The following HARS1 variants were observed in gnomAD, a reference collection of about 807,000 sequenced individuals.
The protein encoded by HARS1 is histidyl-tRNA synthetase 1.
HARS1 carries 45 observed loss-of-function variants against 63.6 expected under a neutral mutation model. The ratio of observed to expected loss-of-function variants is 0.71; its 90% CI spans 0.56 to 0.91. The LOEUF (loss-of-function observed/expected upper bound fraction) is 0.91, where lower values mean the gene tolerates loss of function less well. HARS1 is among the 40% of genes least tolerant of loss of function. The pLI, the probability that HARS1 is intolerant of heterozygous loss-of-function variation, is 0.00. For missense variants in HARS1, 508 were observed against 643.2 expected (o/e 0.79, Z 2.27); for synonymous variants, 205 against 247.1 (o/e 0.83, Z 1.60).
chr5:140,690,776 G>A (rs1003515075), intron 2 of HARS1, 79 bp downstream of exon 2: 2 of 833,730 alleles, frequency 2.4e-6, no homozygotes, highest in East Asian at 2.4e-5. Flanking sequence ...TCAATGACCT[G>A]GTTTAGGGAG....
chr5:140,676,791 C>A lies in HARS1; in HGVS notation c.1057G>T (p.Gly353Cys), dbSNP rs1186354481. ...CCTCCAGCAGCCACACTGCCCACAC[C>A]CAGGGGCTCTTCCCCTGCCTGGGCT... is the stretch of plus-strand genomic sequence containing the variant. ...TPAQAGEEPL[G>C]VGSVAAGGRY... Residue 353 changes from glycine (G) to cysteine (C), a missense_variant, in exon 10 of 13, where the codon GGT becomes TGT. Physicochemically the swap from Gly to Cys is radical, Grantham distance 159. Coordinates refer to ENST00000504156, the MANE Select transcript of HARS1 (RefSeq NM_002109.6). This position sits in a 1 kb window ranked among gnomAD's most constrained non-coding sequence, Gnocchi z 4.1. 6.2e-7 allele frequency: 1 copy of A among 1,614,280 alleles called. No homozygotes were observed. Among genetic ancestry groups the A allele is most frequent in the Non-Finnish European group, 8.5e-7 (1 of 1,180,058 alleles).
rs1758442472 is a variant in HARS1, at chr5:140,677,366, C to T, written c.784G>A (p.Glu262Lys). Residue 262 changes from glutamate (E) to lysine (K), a missense_variant, in exon 8 of 13, where the codon GAG becomes AAG. Physicochemically the swap from Glu to Lys is moderately conservative, Grantham distance 56 (BLOSUM62 1). Transcript: ENST00000504156. ...EMVGEKGLAP[E>K]VADRIGDYVQ... is the part of the protein sequence containing the mutation. ...TAGTCCCCAATGCGGTCAGCCACCT[C>T]AGGTGCAAGGCCCTTCTCTCCCACC... The T allele has an allele frequency of 2.5e-6, 4 of 1,613,998 alleles. No individual in the cohort carries two copies. Among genetic ancestry groups the T allele is most frequent in the African/African-American group, 1.3e-5 (1 of 75,022 alleles).
Position 140,679,938 on chromosome 5 carries a change from G to C in HARS1, c.301-55C>G. The stretch of plus-strand genomic sequence containing the variant: ...AATAATAAACATAACAATTTAAAAG[G>C]AAGTTTTGAAAACAAACATGACTGA... On this transcript the variant is annotated intron_variant, in intron 3 of 12. Coordinates refer to ENST00000504156, the MANE Select transcript of HARS1 (RefSeq NM_002109.6). This position sits in a 1 kb window ranked among gnomAD's most constrained non-coding sequence, Gnocchi z 4.3. 9.8e-7 allele frequency: 1 copy of C among 1,018,188 alleles called. No individual in the cohort carries two copies. The highest frequency in any genetic ancestry group is 1.5e-6 in the Non-Finnish European group (1 of 655,340). The allele number at this position is 1,018,188 out of a possible 1,614,324, so 63.1% of individuals were successfully genotyped here. A position where few individuals can be genotyped will look rare whatever the true frequency, so the allele number is the denominator to read the frequency against.
chr5:140,683,075 T>G, intron 3 of HARS1, 25 bp downstream of exon 3: 1 of 1,608,960 alleles, frequency 6.2e-7, no homozygotes, highest in Non-Finnish European at 8.5e-7. Flanking sequence ...ATCTACCATG[T>G]AGTTTCTTCT....
chr5:140,677,479 G>A (rs1758451174), intron 7 of HARS1, 59 bp from the exon 8 acceptor site: 1 of 1,340,696 alleles, frequency 7.5e-7, no homozygotes, highest in Non-Finnish European at 1.1e-6. Flanking sequence ...CAGAGCAAGT[G>A]TGTACTGTCC....
intron 3 of HARS1, among the ~76,000 whole-genome samples, chr5:140,680,203 G>C (rs1758639311): frequency 6.6e-6 from 1 of 151,358 alleles, no homozygotes. Flanking sequence ...CTGGAGTGCA[G>C]TGGCGTGATC....
At chr5:140,678,355 T>G (rs932868316) in intron 5 of HARS1, 9 of 324,274 alleles carry the variant, frequency 2.8e-5, no homozygotes, top group Non-Finnish European at 5.2e-5. Flanking sequence ...TCAAAGCTAA[T>G]TTCCTTATTC....
intron 5 of HARS1, 84 bp from the exon 6 acceptor site, chr5:140,678,099 C>G (rs1758501409): frequency 1.4e-6 from 1 of 738,340 alleles, no homozygotes; most frequent in African/African-American, 1.7e-5. Flanking sequence ...TCTAGGAAGG[C>G]CTGGTTGCAC....
At chr5:140,691,000 G>T in intron 1 of HARS1, 56 bp from the exon 2 acceptor site, 1 of 1,075,796 alleles carries the variant, frequency 9.3e-7, no homozygotes, top group Non-Finnish European at 1.4e-6. Flanking sequence ...TCCCTCCCCC[G>T]CCATTCATTC....
At chr5:140,680,925 T>C (rs1246870790) in intron 3 of HARS1, among the ~76,000 whole-genome samples, 3 of 152,068 alleles carry the variant, frequency 2.0e-5, no homozygotes, top group Non-Finnish European at 4.4e-5. Context: ...AGTATTTTTC[T>C]TGATGATAAA....
chr5:140,687,220 A>G (rs559808575), intron 2 of HARS1, among the ~76,000 whole-genome samples: 1 of 152,334 alleles, frequency 6.6e-6, no homozygotes, highest in African/African-American at 2.4e-5. Flanking sequence ...CTCAAGGGTC[A>G]AGATTCAATA....
At chr5:140,691,118 T>A (rs1759397650) in intron 1 of HARS1, 97 bp downstream of exon 1, 2 of 1,039,244 alleles carry the variant, frequency 1.9e-6, no homozygotes, top group South Asian at 2.8e-5. Context: ...ACAAGACTGG[T>A]CGCTTCCCTC....
chr5:140,691,193 T>C (rs1043631392), intron 1 of HARS1, 22 bp downstream of exon 1: 15 of 1,558,278 alleles, frequency 9.6e-6, no homozygotes, highest in African/African-American at 1.4e-5. Flanking sequence ...CTTGGCCCTC[T>C]CCCCTGCTGC....
chr5:140,674,332 GC>G lies in HARS1; in HGVS notation c.1459-5del. ...GGTCTTCTCTTCGGACATCCACCTG[GC>G]CAGGATGGGAGAAGAAGGTGGTATA... On this transcript the variant is annotated splice_polypyrimidine_tract_variant and splice_region_variant and intron_variant, in intron 12 of 12. Coordinates refer to ENST00000504156, the MANE Select transcript of HARS1 (RefSeq NM_002109.6). 1 of 1,601,238 alleles carries G rather than the reference GC, an allele frequency of 6.2e-7. No homozygotes were observed. The highest frequency in any genetic ancestry group is 8.6e-7 in the Non-Finnish European group (1 of 1,168,194).
rs756989183 is a variant in HARS1, at chr5:140,674,243, A to C, written c.*14T>G. 2 of 1,540,316 alleles carry C rather than the reference A, an allele frequency of 1.3e-6. No individual in the cohort carries two copies. The highest frequency in any genetic ancestry group is 2.2e-5 in the East Asian group (1 of 44,536). ...TGCCAGTCCCACTTCCTTTCCTCTG[A>C]TAGTTTGTTCAGTTCAGCAGATGCA... is the stretch of plus-strand genomic sequence containing the variant. On this transcript the variant is annotated 3_prime_UTR_variant, in exon 13 of 13. Coordinates refer to ENST00000504156, the MANE Select transcript of HARS1 (RefSeq NM_002109.6).
Position 140,679,822 on chromosome 5 carries a change from C to CAGGG in HARS1, c.361_362insCCCT (p.Gly121AlafsTer11). On this transcript the variant is annotated frameshift_variant, in exon 4 of 13. Transcript: ENST00000504156. LOFTEE classifies it high-confidence loss of function. This position sits in a 1 kb window ranked among gnomAD's most constrained non-coding sequence, Gnocchi z 4.3. ...ATAGCGAAGGGACAGGAGCTCCCCG[C>CAGGG]CCTGGTCCTTCAGGTCATAGATAAG... 1 of 1,610,174 alleles carries CAGGG rather than the reference C, an allele frequency of 6.2e-7. No individual in the cohort carries two copies. The highest frequency in any genetic ancestry group is 1.1e-5 in the South Asian group (1 of 90,992).
chr5:140,677,653 AC>A lies in HARS1; in HGVS notation c.729+1del. Reference sequence around the variant, plus strand: ...AAAGAAGTCAAGTACTTGGGTTGTTACCTTGTCCAGCTTGTCTACTGAGGAG... The same window carrying A: ...AAAGAAGTCAAGTACTTGGGTTGTTACTTGTCCAGCTTGTCTACTGAGGAG... On this transcript the variant is annotated splice_donor_variant, in intron 7 of 12. Coordinates refer to ENST00000504156, the MANE Select transcript of HARS1 (RefSeq NM_002109.6). LOFTEE classifies it high-confidence loss of function. The A allele has an allele frequency of 6.3e-7, 1 of 1,596,542 alleles. No homozygotes were observed. The highest frequency in any genetic ancestry group is 8.6e-7 in the Non-Finnish European group (1 of 1,165,002).
intron 2 of HARS1, among the ~76,000 whole-genome samples, chr5:140,689,515 T>A (rs2149841307): frequency 6.6e-6 from 1 of 152,324 alleles, no homozygotes; most frequent in Non-Finnish European, 1.5e-5. Flanking sequence ...CTCAGGCTGG[T>A]CTCAAGCTCC....
In HARS1 at chr5:140,677,716, A is replaced by G. The variant is rs776226100; in HGVS notation, c.668T>C (p.Ile223Thr). The G allele has an allele frequency of 4.3e-6, 7 of 1,611,820 alleles. No homozygotes were observed. The highest frequency in any genetic ancestry group is 1.3e-5 in the African/African-American group (1 of 74,188). Residue 223 changes from isoleucine to threonine, a missense_variant, in exon 7 of 13, where the codon ATC becomes ACC. Physicochemically the swap from Ile to Thr is moderately conservative, Grantham distance 89. Around this residue, in one of 2 missense-constraint regions of HARS1, gnomAD observed 403 missense variants for 548.7 expected, o/e 0.73. Coordinates refer to ENST00000504156, the MANE Select transcript of HARS1 (RefSeq NM_002109.6). Reference protein sequence around the residue: ...DRRILDGMFAICGVSDSKFRT... With the variant: ...DRRILDGMFATCGVSDSKFRT... ...GAACTTGCTGTCAGAAACACCACAG[A>G]TAGCAAACATCCCATCTAGAATGCG... is the stretch of plus-strand genomic sequence containing the variant.
Sources: allele counts gnomAD v4.1 joint callset (sites outside exome capture counted in the v4.1 genomes callset), GRCh38; gene constraint gnomAD v4.1.1; regional missense constraint gnomAD v4.1.1; non-coding constraint Gnocchi (gnomAD v3.1); transcripts MANE v1.5; gene names NCBI Gene and HGNC (gene_info 2026-07-23, HGNC 2026-07-21).